Variants in GMDS observed in about 807,000 individuals in gnomAD.
GMDS encodes GDP-mannose 4,6-dehydratase.
In GMDS, 20 loss-of-function variants were observed where a neutral mutation model predicts 49.9. That is an observed-to-expected ratio of 0.40 (90% CI 0.28 to 0.58). The LOEUF (loss-of-function observed/expected upper bound fraction) is 0.58. GMDS is among the 20% of genes least tolerant of loss of function. The pLI is 0.42. For missense variants in GMDS, 362 were observed against 481.4 expected, an observed-to-expected ratio of 0.75 and a Z score of 2.32; for synonymous variants, 177 against 178.6, an observed-to-expected ratio of 0.99 and a Z score of 0.07.
chr6:2,245,285 C>A (rs1196861283), intron 1 of GMDS, 36 bp downstream of exon 1: 9 of 1,379,958 alleles, frequency 6.5e-6, no homozygotes, highest in Non-Finnish European at 8.0e-6. Flanking sequence ...CGTGCCCAGG[C>A]TGCCTCGGCC....
intron 1 of GMDS, among the ~76,000 whole-genome samples, chr6:2,165,160 T>C (rs1777600881): frequency 6.6e-6 from 1 of 152,168 alleles, no homozygotes; most frequent in Non-Finnish European, 1.5e-5. Flanking sequence ...GAAACTCTGC[T>C]CCTCTAGAAC....
intron 9 of GMDS, chr6:1,624,757 C>A: frequency 2.0e-6 from 1 of 502,918 alleles, no homozygotes; most frequent in Non-Finnish European, 3.5e-6. Context: ...CCCGTGAGGA[C>A]CGTGACCGCG....
intron 7 of GMDS, among the ~76,000 whole-genome samples, chr6:1,928,386 C>A (rs1762127971): frequency 6.6e-6 from 1 of 151,246 alleles, no homozygotes; most frequent in African/African-American, 2.4e-5. Flanking sequence ...AAAAAGAATA[C>A]CTATAGCTTA....
intron 4 of GMDS, among the ~76,000 whole-genome samples, chr6:2,003,338 G>A (rs1284868563): frequency 1.3e-5 from 2 of 152,038 alleles, no homozygotes; most frequent in Non-Finnish European, 2.9e-5. Context: ...GAGAGACCAC[G>A]TATTTCAATT....
At chr6:1,970,579 T>G (rs1764542509) in intron 4 of GMDS, among the ~76,000 whole-genome samples, 1 of 152,170 alleles carries the variant, frequency 6.6e-6, no homozygotes, top group Non-Finnish European at 1.5e-5. Context: ...GACAGGGCCT[T>G]GCCTTGCCCT....
Position 1,747,737 on chromosome 6 carries a change from A to T in GMDS, c.772-5151T>A, listed in dbSNP as rs188148870. On this transcript the variant is annotated intron_variant, in intron 7 of 10. Transcript: ENST00000380815. The stretch of plus-strand genomic sequence containing the variant: ...GTAGTTTTGTGGTCAGCCAAGCCTT[A>T]TTCTTTGTGGAATTCACATAGGTAG... Among the ~76,000 whole-genome samples the T allele has an allele frequency of 6.6e-5, 10 of 152,272 alleles. No individual in the cohort carries two copies. In the East Asian group the frequency reaches 1.9e-3, roughly 29 times the overall value.
chr6:2,027,187 T>A (rs1768654698), intron 4 of GMDS, among the ~76,000 whole-genome samples: 2 of 152,124 alleles, frequency 1.3e-5, no homozygotes, highest in South Asian at 4.2e-4. Flanking sequence ...GAGAATGAAG[T>A]CCTTGGAGAA....
intron 7 of GMDS, among the ~76,000 whole-genome samples, chr6:1,885,219 A>G (rs1260945218): frequency 6.6e-6 from 1 of 152,236 alleles, no homozygotes; most frequent in East Asian, 1.9e-4. Flanking sequence ...GTAATTTATT[A>G]GAAAAGCCTG....
At chr6:1,624,383 GCAGGCGCCT>G (rs1277277992) in intron 10 of GMDS, 80 bp downstream of exon 10, 1 of 1,348,518 alleles carries the variant, frequency 7.4e-7, no homozygotes, top group African/African-American at 1.5e-5. Context: ...TTTGGGCATC[GCAGGCGCCT>G]CAGGCGCCCG....
intron 9 of GMDS, among the ~76,000 whole-genome samples, chr6:1,663,241 A>G (rs1764136754): frequency 6.6e-6 from 1 of 152,174 alleles, no homozygotes; most frequent in Non-Finnish European, 1.5e-5. Flanking sequence ...TTCGTTAGGG[A>G]TGCTGGGAAG....
At chr6:1,955,292 C>T (rs1486366608) in intron 6 of GMDS, among the ~76,000 whole-genome samples, 1 of 152,124 alleles carries the variant, frequency 6.6e-6, no homozygotes, top group Admixed American at 6.5e-5. Context: ...TGCAGTCCAT[C>T]ATTTACCAAA....
intron 6 of GMDS, among the ~76,000 whole-genome samples, chr6:1,946,411 C>A (rs765942567): frequency 6.6e-6 from 1 of 152,168 alleles, no homozygotes; most frequent in Non-Finnish European, 1.5e-5. Flanking sequence ...GATATAACTA[C>A]AACTACTTCA....
At chr6:2,165,498 G>C (rs931415194) in intron 1 of GMDS, among the ~76,000 whole-genome samples, 2 of 152,140 alleles carry the variant, frequency 1.3e-5, no homozygotes, top group African/African-American at 2.4e-5. Context: ...TCATTGGATG[G>C]GGCCCACCCA....
At chr6:1,642,969 CA>C (rs1349015331) in intron 9 of GMDS, among the ~76,000 whole-genome samples, 1 of 152,202 alleles carries the variant, frequency 6.6e-6, no homozygotes. Context: ...GGCTTTTAAA[CA>C]GCCCTGGTCT....
intron 7 of GMDS, among the ~76,000 whole-genome samples, chr6:1,782,918 C>G (rs1039837373): frequency 6.6e-6 from 1 of 152,132 alleles, no homozygotes; most frequent in African/African-American, 2.4e-5. Flanking sequence ...CTTTCGGAGG[C>G]TGAGGTGGGA....
chr6:1,670,941 G>A (rs553518436), intron 9 of GMDS, among the ~76,000 whole-genome samples: 5 of 152,120 alleles, frequency 3.3e-5, no homozygotes, highest in African/African-American at 9.7e-5. Flanking sequence ...TTCCCTGCTC[G>A]CCCGGACTTT....
intron 9 of GMDS, among the ~76,000 whole-genome samples, chr6:1,644,997 G>A (rs770338873): frequency 1.0e-4 from 15 of 149,698 alleles, no homozygotes; most frequent in Non-Finnish European, 1.8e-4. Flanking sequence ...GTGCAGTGGC[G>A]TGATCCTGGC....
At chr6:1,899,916 G>A (rs369952749) in intron 7 of GMDS, among the ~76,000 whole-genome samples, 4 of 151,816 alleles carry the variant, frequency 2.6e-5, no homozygotes, top group African/African-American at 4.8e-5. Context: ...GCACCCTGTC[G>A]TTAGCTGCTG....
chr6:1,921,652 G>A (rs755379313), intron 7 of GMDS, among the ~76,000 whole-genome samples: 43 of 152,238 alleles, frequency 2.8e-4, no homozygotes, highest in Admixed American at 2.4e-3. Flanking sequence ...CAAAGATGCA[G>A]GAAACTGTTA....
Sources: allele counts gnomAD v4.1 joint callset (sites outside exome capture counted in the v4.1 genomes callset), GRCh38; gene constraint gnomAD v4.1.1; transcripts MANE v1.5; gene names NCBI Gene and HGNC (gene_info 2026-07-23, HGNC 2026-07-21).